Variants in TMEM65 observed in about 807,000 individuals in gnomAD.
TMEM65 encodes transmembrane protein 65.
In TMEM65, 22 loss-of-function variants were observed where a neutral mutation model predicts 25.4. The ratio of observed to expected loss-of-function variants is 0.86; its 90% CI spans 0.62 to 1.23. The LOEUF (loss-of-function observed/expected upper bound fraction) is 1.23, where lower values mean the gene tolerates loss of function less well. Among genes scored for constraint, TMEM65 ranks in the 50% most tolerant of loss-of-function variants. The probability of loss-of-function intolerance (pLI) is 0.00; values close to 1 mark genes in which losing one functional copy is unlikely to be tolerated. For synonymous variants in TMEM65, 132 were observed against 126.2 expected (o/e 1.05, Z -0.31); for missense variants, 262 against 308.2 (o/e 0.85, Z 1.12).
At chr8:124,328,202 G>A (rs374784936) in intron 2 of TMEM65, among the ~76,000 whole-genome samples, 3 of 151,794 alleles carry the variant, frequency 2.0e-5, no homozygotes, top group African/African-American at 4.8e-5. Context: ...TCAAGAGATC[G>A]AGACCATCCT....
At chr8:124,357,204 T>C (rs779323229) in intron 1 of TMEM65, among the ~76,000 whole-genome samples, 3 of 152,138 alleles carry the variant, frequency 2.0e-5, no homozygotes, top group Non-Finnish European at 2.9e-5. Flanking sequence ...TTATACTGCC[T>C]AGCCCTAGTT....
At position 124,340,002 on chromosome 8, in the gene TMEM65, T is replaced by C. The variant is rs1358422315; in HGVS notation, c.305-9210A>G. 2.6e-5 allele frequency among the ~76,000 whole-genome samples: 4 copies of C among 152,106 alleles called. No individual in the cohort carries two copies. In the East Asian group the frequency reaches 5.8e-4, roughly 22 times the overall value. The stretch of plus-strand genomic sequence containing the variant: ...TCCCAATGCCACAAAAGCAATGGGA[T>C]GCATTCTTTAACTGGCAAGCAGAGG... On this transcript the variant is annotated intron_variant, in intron 1 of 6. Transcript: ENST00000297632.
intron 1 of TMEM65, among the ~76,000 whole-genome samples, chr8:124,345,979 T>C (rs556818333): frequency 1.3e-5 from 2 of 152,242 alleles, no homozygotes; most frequent in South Asian, 4.1e-4. Context: ...ACTCCTGACC[T>C]CGTGATCCGT....
chr8:124,327,340 G>T lies in TMEM65; in HGVS notation c.417+14C>A. The stretch of plus-strand genomic sequence containing the variant: ...TATGAACTCAAAATAGAAGCAGTGA[G>T]AGAAAGAACTTACAGCAACAATCAT... On this transcript the variant is annotated intron_variant, in intron 3 of 6. Transcript: ENST00000297632. 1 of 1,575,800 alleles carries T rather than the reference G, an allele frequency of 6.3e-7. No homozygotes were observed. The highest frequency in any genetic ancestry group is 2.3e-5 in the East Asian group (1 of 43,824).
chr8:124,369,887 A>T (rs966106906), intron 1 of TMEM65, among the ~76,000 whole-genome samples: 1 of 152,246 alleles, frequency 6.6e-6, no homozygotes, highest in Non-Finnish European at 1.5e-5. Context: ...TGTCATCGAC[A>T]TCAGCAAAAA....
intron 3 of TMEM65, among the ~76,000 whole-genome samples, chr8:124,326,285 A>G (rs1369791797): frequency 6.6e-6 from 1 of 152,042 alleles, no homozygotes; most frequent in Non-Finnish European, 1.5e-5. Context: ...ATCTAATGCT[A>G]ATATCTGAAA....
At chr8:124,328,810 T>C (rs927911229) in intron 2 of TMEM65, among the ~76,000 whole-genome samples, 2 of 152,100 alleles carry the variant, frequency 1.3e-5, no homozygotes, top group African/African-American at 4.8e-5. Context: ...TTTCTTTTAA[T>C]GCAGTTATCT....
intron 1 of TMEM65, among the ~76,000 whole-genome samples, chr8:124,355,610 G>A: frequency 6.6e-6 from 1 of 152,182 alleles, no homozygotes. Context: ...TTGGGAAGCA[G>A]GGGTCTAGTT....
intron 1 of TMEM65, 94 bp downstream of exon 1, chr8:124,371,760 T>A: frequency 2.4e-6 from 3 of 1,232,468 alleles, no homozygotes; most frequent in Non-Finnish European, 3.2e-6. Context: ...GCGGCGGGGG[T>A]CCAAGATCCA....
rs748711831 is a variant in TMEM65, at chr8:124,348,487, TA to T, written c.305-17696del. 3.2e-4 allele frequency among the ~76,000 whole-genome samples: 48 copies of T among 151,498 alleles called. 1 individual carries two copies. The highest frequency in any genetic ancestry group is 8.3e-4 in the South Asian group (4 of 4,798). On this transcript the variant is annotated intron_variant, in intron 1 of 6. Transcript: ENST00000297632. ...AAGATATTAAAACAATAGTACAACT[TA>T]AAAAAAAATCTTGTTGCTTTTACTT... is the stretch of plus-strand genomic sequence containing the variant.
chr8:124,321,889 C>G (rs1358017500), intron 5 of TMEM65, among the ~76,000 whole-genome samples: 1 of 152,080 alleles, frequency 6.6e-6, no homozygotes, highest in Non-Finnish European at 1.5e-5. Context: ...TCCAGAGACA[C>G]TAATAATGTA....
At chr8:124,335,760 C>A (rs1216378466) in intron 1 of TMEM65, among the ~76,000 whole-genome samples, 4 of 151,832 alleles carry the variant, frequency 2.6e-5, no homozygotes, top group African/African-American at 7.3e-5. Context: ...TAATAAGTAA[C>A]TTGAAGGAGA....
chr8:124,365,361 T>C (rs769150446), intron 1 of TMEM65, among the ~76,000 whole-genome samples: 11 of 152,080 alleles, frequency 7.2e-5, no homozygotes, highest in Non-Finnish European at 1.2e-4. Flanking sequence ...AATAGAGAGG[T>C]GAAGAGTCTG....
chr8:124,315,533 G>C (rs1291685244), intron 6 of TMEM65, among the ~76,000 whole-genome samples: 1 of 151,990 alleles, frequency 6.6e-6, no homozygotes, highest in African/African-American at 2.4e-5. Flanking sequence ...GTATTAGCCA[G>C]GATGGTCTCG....
chr8:124,308,531 T>C lies in TMEM65; in HGVS notation c.*5429A>G, dbSNP rs559676539. The stretch of plus-strand genomic sequence containing the variant: ...GATGTTGTGTGTGACTTCGCAGAAT[T>C]TACAACAGAGCCAATCAAGAAAATC... On this transcript the variant is annotated 3_prime_UTR_variant, in exon 7 of 7. Transcript: ENST00000297632. 1.3e-5 allele frequency: 2 copies of C among 152,164 alleles called. No homozygotes were observed. Among genetic ancestry groups the C allele is most frequent in the Non-Finnish European group, 2.9e-5 (2 of 68,040 alleles). 9.4% of individuals were successfully genotyped at this position (152,164 alleles called of 1,614,324 possible).
intron 1 of TMEM65, among the ~76,000 whole-genome samples, chr8:124,339,277 C>G (rs1235116960): frequency 7.8e-6 from 1 of 128,678 alleles, no homozygotes; most frequent in African/African-American, 3.1e-5. Flanking sequence ...GTAGCTGAAT[C>G]TTGGCCAATC....
intron 1 of TMEM65, among the ~76,000 whole-genome samples, chr8:124,349,958 A>G (rs1814685416): frequency 6.6e-6 from 1 of 152,184 alleles, no homozygotes; most frequent in South Asian, 2.1e-4. Context: ...GCTAATTAAA[A>G]TATCTTCAGA....
intron 1 of TMEM65, among the ~76,000 whole-genome samples, chr8:124,343,147 T>TAC (rs1814600533): frequency 6.6e-6 from 1 of 151,916 alleles, no homozygotes; most frequent in African/African-American, 2.4e-5. Context: ...ACAAATAAGG[T>TAC]TCTACAAACA....
At chr8:124,341,540 G>A (rs942280425) in intron 1 of TMEM65, among the ~76,000 whole-genome samples, 1 of 151,962 alleles carries the variant, frequency 6.6e-6, no homozygotes, top group Non-Finnish European at 1.5e-5. Context: ...ATTGATCTAG[G>A]AAACAGATTC....
Sources: gnomAD v4.1 joint callset for allele counts (sites outside exome capture counted in the v4.1 genomes callset) on GRCh38, gnomAD v4.1.1 for gene constraint, MANE v1.5 for transcripts, NCBI Gene and HGNC (gene_info 2026-07-23, HGNC 2026-07-21) for gene names.